KLHL8: variants seen among roughly 807,000 people sequenced by gnomAD.
KLHL8 encodes the protein kelch like family member 8.
KLHL8 carries 38 observed loss-of-function variants against 63.5 expected under a neutral mutation model. The observed-to-expected ratio is 0.60, with a 90% CI of 0.46 to 0.78. KLHL8 has a LOEUF of 0.78. Among genes scored for constraint, KLHL8 ranks in the 30% least tolerant of loss-of-function variants. The probability of loss-of-function intolerance (pLI) is 0.00; values close to 1 mark genes in which losing one functional copy is unlikely to be tolerated. For synonymous variants in KLHL8, 224 were observed against 254.3 expected, an observed-to-expected ratio of 0.88 and a Z score of 1.13; for missense variants, 566 against 752.4, an observed-to-expected ratio of 0.75 and a Z score of 2.90.
upstream of KLHL8, among the ~76,000 whole-genome samples, chr4:87,221,767 TCA>T (rs1732861248): frequency 3.9e-5 from 6 of 152,128 alleles, no homozygotes; most frequent in African/African-American, 1.2e-4. Context: ...AGAAAAAAAA[TCA>T]CATTTTTTAC....
chr4:87,192,428 T>C (rs1280110802), intron 2 of KLHL8, among the ~76,000 whole-genome samples: 2 of 152,236 alleles, frequency 1.3e-5, no homozygotes, highest in Admixed American at 6.5e-5. Context: ...GAGAAGTATA[T>C]GTTCATGTCC....
intron 3 of KLHL8, among the ~76,000 whole-genome samples, chr4:87,184,592 T>A (rs1224798392): frequency 1.3e-5 from 2 of 151,970 alleles, no homozygotes; most frequent in Non-Finnish European, 2.9e-5. Flanking sequence ...GTCATTTTAC[T>A]TCTCAGGAAT....
chr4:87,160,916 A>T lies in KLHL8; in HGVS notation c.*2603T>A, dbSNP rs557595400. The T allele has an allele frequency of 3.3e-5, 5 of 152,014 alleles. No homozygotes were observed. In the East Asian group the frequency reaches 7.7e-4, roughly 23 times the overall value. 9.4% of individuals were successfully genotyped at this position (152,014 alleles called of 1,614,324 possible). On this transcript the variant is annotated 3_prime_UTR_variant, in exon 10 of 10. Transcript: ENST00000273963. ...TCTTCTTTGAATATTTCATCTCTTC[A>T]TTTCTATGAATATAATCATCTTTCA...
intron 1 of KLHL8, among the ~76,000 whole-genome samples, chr4:87,239,840 C>T (rs1447715980): frequency 6.6e-6 from 1 of 152,138 alleles, no homozygotes; most frequent in Non-Finnish European, 1.5e-5. Flanking sequence ...AAAGAGAAAA[C>T]CCCATCAGGT....
intron 2 of KLHL8, among the ~76,000 whole-genome samples, chr4:87,187,235 ATTGTTGTTG>A (rs1007133788): frequency 1.3e-5 from 2 of 151,828 alleles, no homozygotes; most frequent in Non-Finnish European, 2.9e-5. Flanking sequence ...GAGTGTTGTT[ATTGTTGTTG>A]TTGTTGTACA....
intron 6 of KLHL8, among the ~76,000 whole-genome samples, chr4:87,172,686 C>G (rs989252483): frequency 1.2e-4 from 18 of 152,164 alleles, no homozygotes; most frequent in Non-Finnish European, 1.9e-4. Context: ...CACCTCTGAA[C>G]TATCTTTCAA....
rs1205778509 is a variant in KLHL8, at chr4:87,161,530, AAGAC to A, written c.*1985_*1988del. On this transcript the variant is annotated 3_prime_UTR_variant, in exon 10 of 10. Transcript: ENST00000273963. The stretch of plus-strand genomic sequence containing the variant: ...CCCTTATAACTCCTTACATATAAGA[AAGAC>A]AGAAATACATCAAAGAAAAAACATT... 1.3e-5 allele frequency: 2 copies of A among 152,232 alleles called. No individual in the cohort carries two copies. The highest frequency in any genetic ancestry group is 2.1e-4 in the South Asian group (1 of 4,834). 9.4% of individuals were successfully genotyped at this position (152,232 alleles called of 1,614,324 possible). A position where few individuals can be genotyped will look rare whatever the true frequency, so the allele number is the denominator to read the frequency against.
chr4:87,170,183 T>C lies in KLHL8; in HGVS notation c.1433A>G (p.Glu478Gly). 1 of 1,613,958 alleles carries C rather than the reference T, an allele frequency of 6.2e-7. No homozygotes were observed. The highest frequency in any genetic ancestry group is 8.5e-7 in the Non-Finnish European group (1 of 1,179,852). ...CTTATCCAGATGTGGATCATATCTC[T>C]CCACGCTAGATAAAGAAGCCATTCC... ...NDGMASLSSVERYDPHLDKWI... is the reference protein window; with the variant it reads ...NDGMASLSSVGRYDPHLDKWI... Residue 478 changes from glutamate to glycine, a missense_variant, in exon 8 of 10, where the codon GAG becomes GGG. By Grantham distance (98) the Glu-to-Gly change is moderately conservative. Coordinates refer to ENST00000273963, the MANE Select transcript of KLHL8 (RefSeq NM_020803.5).
chr4:87,191,169 A>T (rs1731469865), intron 2 of KLHL8, among the ~76,000 whole-genome samples: 2 of 151,914 alleles, frequency 1.3e-5, no homozygotes, highest in African/African-American at 4.8e-5. Flanking sequence ...AAAGGGAAAT[A>T]TTTTTTAAAT....
chr4:87,236,438 A>G (rs1733230849), intron 1 of KLHL8, among the ~76,000 whole-genome samples: 1 of 151,720 alleles, frequency 6.6e-6, no homozygotes, highest in South Asian at 2.1e-4. Context: ...TGAACTCCTG[A>G]CCTTATGATC....
At chr4:87,193,194 C>A (rs1731560660) in intron 2 of KLHL8, among the ~76,000 whole-genome samples, 1 of 152,174 alleles carries the variant, frequency 6.6e-6, no homozygotes, top group Non-Finnish European at 1.5e-5. Flanking sequence ...ACACACATTG[C>A]ACAGCTCTAC....
chr4:87,164,374 A>G (rs1052679651), intron 8 of KLHL8, among the ~76,000 whole-genome samples: 1 of 147,596 alleles, frequency 6.8e-6, no homozygotes, highest in Non-Finnish European at 1.5e-5. Flanking sequence ...AGAGAAAAAG[A>G]AAAAAAAAAC....
At chr4:87,236,321 G>C (rs1422403002) in intron 1 of KLHL8, among the ~76,000 whole-genome samples, 2 of 150,922 alleles carry the variant, frequency 1.3e-5, no homozygotes, top group Non-Finnish European at 2.9e-5. Context: ...TGATTCTCCT[G>C]CCTCAGCCTC....
intron 2 of KLHL8, among the ~76,000 whole-genome samples, chr4:87,193,568 G>A (rs150537806): frequency 6.6e-6 from 1 of 152,042 alleles, no homozygotes; most frequent in Non-Finnish European, 1.5e-5. Flanking sequence ...AGTAGCAAGA[G>A]TACACTCTAC....
chr4:87,163,319 C>G lies in KLHL8; in HGVS notation c.*200G>C. 1 of 433,926 alleles carries G rather than the reference C, an allele frequency of 2.3e-6. No homozygotes were observed. The highest frequency in any genetic ancestry group is 4.0e-6 in the Non-Finnish European group (1 of 249,844). 26.9% of individuals were successfully genotyped at this position (433,926 alleles called of 1,614,324 possible). ...TTCCCTACTCCATTATTTGCAAAAG[C>G]AGGAAGTATCAAATTTAACTCTATT... On this transcript the variant is annotated 3_prime_UTR_variant, in exon 10 of 10. Coordinates refer to ENST00000273963, the MANE Select transcript of KLHL8 (RefSeq NM_020803.5).
intron 8 of KLHL8, among the ~76,000 whole-genome samples, chr4:87,165,343 G>A (rs1274588589): frequency 1.3e-5 from 2 of 151,840 alleles, no homozygotes; most frequent in African/African-American, 2.4e-5. Flanking sequence ...ATAATAAAGG[G>A]TTTGGTTTTA....
Position 87,163,604 on chromosome 4 carries a change from C to T in KLHL8, c.1778G>A (p.Gly593Glu). The T allele has an allele frequency of 6.2e-7, 1 of 1,614,138 alleles. No individual in the cohort carries two copies. Among genetic ancestry groups the T allele is most frequent in the Non-Finnish European group, 8.5e-7 (1 of 1,179,996 alleles). Residue 593 changes from glycine to glutamate, a missense_variant, in exon 10 of 10, where the codon GGA (glycine) becomes GAA (glutamate). Gly to Glu is a moderately conservative substitution (Grantham distance 98). Coordinates refer to ENST00000273963, the MANE Select transcript of KLHL8 (RefSeq NM_020803.5). Reference sequence around the variant, plus strand: ...ACAGGAACACACAGCTACTCCTGCTCCAGCTCTGCAGTGAGACACAGATCC... The same window carrying T: ...ACAGGAACACACAGCTACTCCTGCTTCAGCTCTGCAGTGAGACACAGATCC... ...LVGSVSHCRA[G>E]AGVAVCSCLT...
chr4:87,160,748 T>G lies in KLHL8; in HGVS notation c.*2771A>C, dbSNP rs1730126636. The stretch of plus-strand genomic sequence containing the variant: ...AGAATCACAAAGCACCTAGAAATAT[T>G]TATTGAAGAAATAATAAACAAATTT... On this transcript the variant is annotated 3_prime_UTR_variant, in exon 10 of 10. Coordinates refer to ENST00000273963, the MANE Select transcript of KLHL8 (RefSeq NM_020803.5). 1 of 152,204 alleles carries G rather than the reference T, an allele frequency of 6.6e-6. No individual in the cohort carries two copies. The highest frequency in any genetic ancestry group is 2.4e-5 in the African/African-American group (1 of 41,448). 9.4% of individuals were successfully genotyped at this position (152,204 alleles called of 1,614,324 possible).
intron 2 of KLHL8, among the ~76,000 whole-genome samples, chr4:87,193,080 TA>T (rs1315759678): frequency 6.6e-6 from 1 of 152,194 alleles, no homozygotes; most frequent in Non-Finnish European, 1.5e-5. Context: ...TTAAAAAAAA[TA>T]TTTTTCTTTC....
Sources: gnomAD v4.1 joint callset for allele counts (sites outside exome capture counted in the v4.1 genomes callset) on GRCh38, gnomAD v4.1.1 for gene constraint, MANE v1.5 for transcripts, NCBI Gene and HGNC (gene_info 2026-07-23, HGNC 2026-07-21) for gene names.